MTUS1: variants seen among roughly 807,000 people sequenced by gnomAD.
MTUS1 encodes the protein microtubule-associated tumor suppressor 1.
A neutral mutation model predicts 120.8 loss-of-function variants in MTUS1; 109 were observed. The ratio of observed to expected loss-of-function variants is 0.90; its 90% CI spans 0.77 to 1.06. The LOEUF (loss-of-function observed/expected upper bound fraction) is 1.06. Among genes scored for constraint, MTUS1 ranks in the 50% least tolerant of loss-of-function variants. MTUS1 has a pLI of 0.00. For missense variants in MTUS1, 2,210 were observed against 1,486.3 expected (o/e 1.49, Z -8.01); for synonymous variants, 737 against 550.5 (o/e 1.34, Z -4.74).
chr8:17,749,647 G>A (rs1244949522), intron 2 of MTUS1, among the ~76,000 whole-genome samples: 2 of 132,040 alleles, frequency 1.5e-5, no homozygotes, highest in Non-Finnish European at 1.6e-5. Flanking sequence ...CTGGGCAACA[G>A]AGAATCTGTC....
At chr8:17,707,240 G>C (rs971396060) in intron 6 of MTUS1, among the ~76,000 whole-genome samples, 2 of 152,094 alleles carry the variant, frequency 1.3e-5, no homozygotes, top group Non-Finnish European at 2.9e-5. Context: ...CAGTTACATA[G>C]AAAACTATTA....
At chr8:17,647,964 A>T (rs1382987553) in intron 13 of MTUS1, among the ~76,000 whole-genome samples, 3 of 152,216 alleles carry the variant, frequency 2.0e-5, no homozygotes, top group African/African-American at 7.2e-5. Context: ...GTTATCCAGA[A>T]GCAGCTCAGG....
At chr8:17,699,961 T>G (rs1818714490) in intron 6 of MTUS1, among the ~76,000 whole-genome samples, 2 of 152,218 alleles carry the variant, frequency 1.3e-5, no homozygotes, top group South Asian at 4.1e-4. Context: ...AAAAATTCTT[T>G]GATTATTTGA....
chr8:17,655,544 T>C (rs1808015583), intron 9 of MTUS1, among the ~76,000 whole-genome samples: 1 of 152,050 alleles, frequency 6.6e-6, no homozygotes, highest in Admixed American at 6.5e-5. Context: ...GCCAACATGG[T>C]GAAACCCCGT....
chr8:17,646,070 G>C lies in MTUS1; in HGVS notation c.3669C>G (p.Leu1223=). 6.2e-7 allele frequency: 1 copy of C among 1,613,492 alleles called. No individual in the cohort carries two copies. Among genetic ancestry groups the C allele is most frequent in the Non-Finnish European group, 8.5e-7 (1 of 1,179,866 alleles). Reference sequence around the variant, plus strand: ...ACAGAAGCTCCTCGTTTTCCATAGAGAGTCGCTTGTTGACTTTCGACTCCT... The same window carrying C: ...ACAGAAGCTCCTCGTTTTCCATAGACAGTCGCTTGTTGACTTTCGACTCCT... ...LEKESKVNKR[L]SMENEELLWK... is the part of the protein sequence containing the mutation. Residue 1223 remains leucine, a synonymous_variant, in exon 15 of 15, where the codon CTC becomes CTG. Transcript: ENST00000693296.
At chr8:17,651,791 C>T (rs1431069885) in intron 12 of MTUS1, 2 of 152,146 alleles carry the variant, frequency 1.3e-5, no homozygotes, top group African/African-American at 2.4e-5. Flanking sequence ...CTTAGCTTTT[C>T]AAAAGCGGCT....
chr8:17,742,269 G>GTTT lies in MTUS1; in HGVS notation c.2287+1332_2287+1334dup, dbSNP rs1210338239. On this transcript the variant is annotated intron_variant, in intron 3 of 14. Transcript: ENST00000693296. ...CACCATCATGCTCTCATGCCCAGCT[G>GTTT]TTTTTTTTTTTTGTTGTTGTTGTTT... 4.8e-4 allele frequency among the ~76,000 whole-genome samples: 46 copies of GTTT among 94,874 alleles called. 3 individuals carry two copies. The highest frequency in any genetic ancestry group is 1.3e-3 in the African/African-American group (31 of 23,278). 62.2% of individuals were successfully genotyped at this position (94,874 alleles called of 152,430 possible). A position where few individuals can be genotyped will look rare whatever the true frequency, so the allele number is the denominator to read the frequency against.
chr8:17,679,191 AAT>A (rs1272652219), intron 7 of MTUS1, among the ~76,000 whole-genome samples: 3 of 86,534 alleles, frequency 3.5e-5, no homozygotes, highest in Admixed American at 1.4e-4. Context: ...AATAACAAAA[AAT>A]ATATATACAC....
At chr8:17,669,528 T>TA (rs2130565925) in intron 8 of MTUS1, among the ~76,000 whole-genome samples, 1 of 152,142 alleles carries the variant, frequency 6.6e-6, no homozygotes, top group Non-Finnish European at 1.5e-5. Context: ...AAGGCCAAAA[T>TA]AGAGTCTTTT....
chr8:17,707,542 G>C (rs1407155985), intron 6 of MTUS1, among the ~76,000 whole-genome samples: 1 of 152,086 alleles, frequency 6.6e-6, no homozygotes, highest in African/African-American at 2.4e-5. Context: ...TATATATACA[G>C]AGTCATCTAT....
At chr8:17,742,613 C>CA (rs1190328911) in intron 3 of MTUS1, among the ~76,000 whole-genome samples, 2 of 152,120 alleles carry the variant, frequency 1.3e-5, no homozygotes, top group Non-Finnish European at 2.9e-5. Flanking sequence ...TTCCTCCACT[C>CA]ACGCCTCTGT....
In MTUS1 at chr8:17,762,707, T is replaced by C. The variant is rs973350265; in HGVS notation, c.-154-6746A>G. 2.0e-5 allele frequency among the ~76,000 whole-genome samples: 3 copies of C among 152,228 alleles called. No individual in the cohort carries two copies. In the East Asian group the frequency reaches 5.8e-4, roughly 29 times the overall value. On this transcript the variant is annotated intron_variant, in intron 1 of 14. Coordinates refer to ENST00000693296, the MANE Select transcript of MTUS1 (RefSeq NM_001363059.2). ...TACCTTAAATAATTTAGAAAACAAG[T>C]ATAAATTTGAAATTACATCCTTTTA...
chr8:17,657,781 C>A (rs75140998), intron 8 of MTUS1, among the ~76,000 whole-genome samples: 16,580 of 100,538 alleles, frequency 0.16, 1,352 homozygotes, highest in Non-Finnish European at 0.22. Flanking sequence ...TGTTGGGCAA[C>A]AGAGCAAGAC....
At chr8:17,764,402 CAAA>C (rs11400332) in intron 1 of MTUS1, among the ~76,000 whole-genome samples, 14 of 138,310 alleles carry the variant, frequency 1.0e-4, no homozygotes, top group African/African-American at 3.7e-4. Flanking sequence ...AAGAAAACTG[CAAA>C]AAAAAAAAAA....
At chr8:17,741,390 C>G (rs979814604) in intron 3 of MTUS1, among the ~76,000 whole-genome samples, 2 of 152,142 alleles carry the variant, frequency 1.3e-5, no homozygotes, top group Non-Finnish European at 2.9e-5. Context: ...AAATTCAAAT[C>G]CAGAATGTTT....
At chr8:17,795,819 T>TA (rs752128670) in intron 1 of MTUS1, among the ~76,000 whole-genome samples, 19 of 151,916 alleles carry the variant, frequency 1.3e-4, no homozygotes, top group Non-Finnish European at 1.9e-4. Context: ...GTATTTTTAG[T>TA]AGAGTCGGGT....
chr8:17,722,013 T>C, intron 4 of MTUS1: 1 of 1,413,534 alleles, frequency 7.1e-7, no homozygotes, highest in Non-Finnish European at 9.2e-7. Flanking sequence ...AAAAAATGCG[T>C]AAGCTCCAAG....
intron 3 of MTUS1, among the ~76,000 whole-genome samples, chr8:17,743,293 T>C (rs2047476426): frequency 6.6e-6 from 1 of 152,218 alleles, no homozygotes; most frequent in African/African-American, 2.4e-5. Flanking sequence ...TGTTAAGCAC[T>C]TAACCATTTG....
chr8:17,707,549 C>G (rs1315835774), intron 6 of MTUS1, among the ~76,000 whole-genome samples: 1 of 152,168 alleles, frequency 6.6e-6, no homozygotes, highest in East Asian at 1.9e-4. Flanking sequence ...ACAGAGTCAT[C>G]TATAGATTCA....
Sources: allele counts gnomAD v4.1 joint callset (sites outside exome capture counted in the v4.1 genomes callset), GRCh38; gene constraint gnomAD v4.1.1; transcripts MANE v1.5; gene names NCBI Gene and HGNC (gene_info 2026-07-23, HGNC 2026-07-21).